Variants in SAMSN1 observed in about 807,000 individuals in gnomAD.
SAMSN1 encodes the protein SAM domain-containing protein SAMSN-1.
In SAMSN1, 31 loss-of-function variants were observed where a neutral mutation model predicts 42.0. The observed-to-expected ratio is 0.74, with a 90% confidence interval of 0.55 to 1.00. SAMSN1 has a LOEUF of 1.00. Ranked by LOEUF, SAMSN1 falls within the 50% of genes least tolerant of loss-of-function variation. The probability of loss-of-function intolerance (pLI) is 0.00; values close to 1 mark genes in which losing one functional copy is unlikely to be tolerated. For synonymous variants in SAMSN1, 178 were observed against 151.9 expected (o/e 1.17, Z -1.26); for missense variants, 464 against 439.4 (o/e 1.06, Z -0.50).
rs141789792 is a variant in SAMSN1, at chr21:14,597,421, A to G, written c.400-3343T>C. The stretch of plus-strand genomic sequence containing the variant: ...CAATATTTTATTTGTTAGTAATCCA[A>G]TTTTCATCTTAAGGACTAAATGACT... On this transcript the variant is annotated intron_variant, in intron 6 of 15. Coordinates refer to the SAMSN1 transcript ENST00000647101. 1.5e-3 allele frequency among the ~76,000 whole-genome samples: 234 copies of G among 152,162 alleles called. 1 individual carries two copies. Among genetic ancestry groups the G allele is most frequent in the Middle Eastern group, 0.01 (3 of 292 alleles).
At chr21:14,571,241 T>A (rs1447447250) in intron 2 of SAMSN1, among the ~76,000 whole-genome samples, 1 of 152,194 alleles carries the variant, frequency 6.6e-6, no homozygotes, top group Non-Finnish European at 1.5e-5. Flanking sequence ...TTATCCTCCT[T>A]AACTGGCATG....
intron 3 of SAMSN1, among the ~76,000 whole-genome samples, chr21:14,514,771 A>C (rs954460354): frequency 6.6e-6 from 1 of 152,184 alleles, no homozygotes; most frequent in Non-Finnish European, 1.5e-5. Flanking sequence ...AAGTGTAGAG[A>C]ATAAATATAT....
At chr21:14,643,465 G>C (rs565123100) in intron 1 of SAMSN1, among the ~76,000 whole-genome samples, 2 of 152,282 alleles carry the variant, frequency 1.3e-5, no homozygotes, top group South Asian at 4.1e-4. Context: ...AATGCCTTTT[G>C]AGACACCAAT....
chr21:14,535,991 A>G (rs983773052), intron 1 of SAMSN1, among the ~76,000 whole-genome samples: 3 of 150,654 alleles, frequency 2.0e-5, no homozygotes, highest in East Asian at 1.9e-4. Flanking sequence ...GGCTCTCTCT[A>G]TCTATGCAAG....
At chr21:14,634,537 A>T (rs957271761) in intron 2 of SAMSN1, among the ~76,000 whole-genome samples, 2 of 152,242 alleles carry the variant, frequency 1.3e-5, no homozygotes, top group African/African-American at 4.8e-5. Flanking sequence ...AAAAGAAGAC[A>T]TTTATGCAGC....
chr21:14,529,349 G>A (rs145405077), intron 1 of SAMSN1, among the ~76,000 whole-genome samples: 164 of 152,236 alleles, frequency 1.1e-3, no homozygotes, highest in Middle Eastern at 3.4e-3. Flanking sequence ...TCCTACAGTC[G>A]TGAGACTTGG....
At chr21:14,654,781 T>A (rs1459374335) in intron 1 of SAMSN1, among the ~76,000 whole-genome samples, 2 of 151,914 alleles carry the variant, frequency 1.3e-5, no homozygotes, top group Non-Finnish European at 2.9e-5. Context: ...CCCTGGTTTT[T>A]AATTGGGGCA....
intron 2 of SAMSN1, among the ~76,000 whole-genome samples, chr21:14,568,842 C>T (rs996402195): frequency 6.6e-6 from 1 of 152,114 alleles, no homozygotes; most frequent in African/African-American, 2.4e-5. Flanking sequence ...TAAATAAATG[C>T]ACAACATTTG....
intron 6 of SAMSN1, among the ~76,000 whole-genome samples, chr21:14,596,349 T>C (rs1285262416): frequency 1.3e-5 from 2 of 152,170 alleles, no homozygotes; most frequent in Non-Finnish European, 2.9e-5. Context: ...AAATAAGTTA[T>C]AATCCTGCTC....
In SAMSN1 at chr21:14,641,924, A is replaced by C. The variant is rs1219573690; in HGVS notation, c.156+1078T>G. Among the ~76,000 whole-genome samples, 13 of 152,316 alleles carry C rather than the reference A, an allele frequency of 8.5e-5. No homozygotes were observed. The East Asian group carries it at 1.4e-3, about 16-fold the overall frequency. On this transcript the variant is annotated intron_variant, in intron 2 of 15. Transcript: ENST00000647101. ...CTACTATTGACTGGAAGACTTACTGATAACATAAATAGTCAATCGATACAC... is the reference window on the plus strand; with the variant it reads ...CTACTATTGACTGGAAGACTTACTGCTAACATAAATAGTCAATCGATACAC...
intron 7 of SAMSN1, among the ~76,000 whole-genome samples, chr21:14,491,023 G>T (rs1045634647): frequency 5.3e-5 from 8 of 152,156 alleles, no homozygotes; most frequent in African/African-American, 1.7e-4. Flanking sequence ...ACCCTCCTCA[G>T]TTAAAGTTGT....
chr21:14,521,777 G>A (rs949884303), intron 1 of SAMSN1, among the ~76,000 whole-genome samples: 9 of 151,952 alleles, frequency 5.9e-5, no homozygotes, highest in African/African-American at 2.2e-4. Flanking sequence ...TAATACCTAG[G>A]TGATGGGTTG....
chr21:14,653,273 G>T (rs1047079134), intron 1 of SAMSN1, among the ~76,000 whole-genome samples: 1 of 151,876 alleles, frequency 6.6e-6, no homozygotes, highest in African/African-American at 2.4e-5. Context: ...AATGGATAAA[G>T]AAAATATGGT....
chr21:14,544,124 A>G (rs1980229657), intron 1 of SAMSN1, among the ~76,000 whole-genome samples: 1 of 152,178 alleles, frequency 6.6e-6, no homozygotes, highest in South Asian at 2.1e-4. Context: ...AACACGGCCC[A>G]CTGTAGCCTT....
chr21:14,644,363 T>C (rs999650522), intron 1 of SAMSN1, among the ~76,000 whole-genome samples: 7 of 151,952 alleles, frequency 4.6e-5, no homozygotes, highest in South Asian at 2.1e-4. Flanking sequence ...ATAAGAGTCA[T>C]GAGGTACCCC....
intron 1 of SAMSN1, among the ~76,000 whole-genome samples, chr21:14,537,129 G>T (rs189748957): frequency 6.6e-6 from 1 of 152,268 alleles, no homozygotes; most frequent in African/African-American, 2.4e-5. Context: ...GGCCTAGAAC[G>T]CCTTCAGTGA....
chr21:14,497,420 C>T lies in SAMSN1; in HGVS notation c.919+1022G>A, dbSNP rs142905470. 7.4e-3 allele frequency among the ~76,000 whole-genome samples: 1,129 copies of T among 152,148 alleles called. 16 individuals are homozygous for T. The highest frequency in any genetic ancestry group is 0.026 in the African/African-American group (1,091 of 41,498). ...GACCAGGCTGGCCAATATGGTGAAA[C>T]CCCATCTCTACTAAAAATACAAAAA... is the stretch of plus-strand genomic sequence containing the variant. On this transcript the variant is annotated intron_variant, in intron 7 of 7. Transcript: ENST00000400566.
chr21:14,658,485 C>T (rs1452335947), intron 1 of SAMSN1, among the ~76,000 whole-genome samples: 1 of 151,886 alleles, frequency 6.6e-6, no homozygotes, highest in Non-Finnish European at 1.5e-5. Flanking sequence ...GTTCCCAGAA[C>T]ATTATACTTA....
At chr21:14,614,896 C>T (rs1029966513) in intron 3 of SAMSN1, among the ~76,000 whole-genome samples, 2 of 152,192 alleles carry the variant, frequency 1.3e-5, no homozygotes, top group African/African-American at 4.8e-5. Context: ...CCCACCTTAA[C>T]TGATCTGGTT....
Sources: allele counts gnomAD v4.1 joint callset (sites outside exome capture counted in the v4.1 genomes callset), GRCh38; gene constraint gnomAD v4.1.1; transcripts MANE v1.5; gene names NCBI Gene and HGNC (gene_info 2026-07-23, HGNC 2026-07-21).